The following PTPRD variants were observed in gnomAD, a reference collection of about 807,000 sequenced individuals.
The protein encoded by PTPRD is receptor-type tyrosine-protein phosphatase delta.
PTPRD carries 34 observed loss-of-function variants against 214.5 expected under a neutral mutation model. The observed-to-expected ratio is 0.16, with a 90% confidence interval of 0.12 to 0.21. The LOEUF is 0.21. PTPRD is among the 10% of genes least tolerant of loss of function. The pLI is 1.00. For missense variants in PTPRD, 2,545 were observed against 2,398.7 expected, an observed-to-expected ratio of 1.06 and a Z score of -1.27; for synonymous variants, 1,128 against 845.7, an observed-to-expected ratio of 1.33 and a Z score of -5.79.
intron 5 of PTPRD, among the ~76,000 whole-genome samples, chr9:9,829,976 A>G (rs1190957620): frequency 1.3e-5 from 2 of 151,834 alleles, no homozygotes; most frequent in African/African-American, 4.8e-5. Flanking sequence ...TTTCTTTTGC[A>G]TGCTTATCTG....
At chr9:10,184,803 A>G (rs1354783060) in intron 3 of PTPRD, among the ~76,000 whole-genome samples, 1 of 152,220 alleles carries the variant, frequency 6.6e-6, no homozygotes, top group Non-Finnish European at 1.5e-5. Context: ...TGAGGATCAA[A>G]TAAGAGAAGG....
At chr9:9,406,453 A>G (rs2073404541) in intron 8 of PTPRD, among the ~76,000 whole-genome samples, 1 of 151,914 alleles carries the variant, frequency 6.6e-6, no homozygotes, top group Non-Finnish European at 1.5e-5. Context: ...AAATATTAAG[A>G]AAAGCACCCT....
chr9:8,947,014 A>ATTTTTT (rs143478859), intron 11 of PTPRD, among the ~76,000 whole-genome samples: 23 of 106,902 alleles, frequency 2.2e-4, no homozygotes, highest in African/African-American at 3.0e-4. Flanking sequence ...GTCTCTCTGT[A>ATTTTTT]TTTTTTTTTC....
intron 3 of PTPRD, among the ~76,000 whole-genome samples, chr9:10,120,861 T>C (rs936652647): frequency 1.3e-5 from 2 of 152,052 alleles, no homozygotes; most frequent in African/African-American, 4.8e-5. Flanking sequence ...TAGCATTCCT[T>C]GATGCCCCCT....
At chr9:9,032,473 G>A (rs1215408667) in intron 10 of PTPRD, among the ~76,000 whole-genome samples, 1 of 151,962 alleles carries the variant, frequency 6.6e-6, no homozygotes, top group Admixed American at 6.6e-5. Context: ...GGGCAGTCAT[G>A]GAGCAAAAAT....
At chr9:9,897,320 C>T (rs143865983) in intron 5 of PTPRD, among the ~76,000 whole-genome samples, 1 of 151,918 alleles carries the variant, frequency 6.6e-6, no homozygotes, top group African/African-American at 2.4e-5. Flanking sequence ...ATACTTTAAA[C>T]CAAAGAATAT....
intron 4 of PTPRD, among the ~76,000 whole-genome samples, chr9:9,993,570 C>T (rs574995962): frequency 6.6e-6 from 1 of 152,180 alleles, no homozygotes; most frequent in Middle Eastern, 3.4e-3. Flanking sequence ...TTACTTGATT[C>T]ATTTTATATA....
chr9:9,482,268 C>T (rs10117271), intron 8 of PTPRD, among the ~76,000 whole-genome samples: 77,113 of 151,928 alleles, frequency 0.51, 19,688 homozygotes, highest in East Asian at 0.66. Flanking sequence ...AGTAAGTAAA[C>T]CAGTTCAGTG....
intron 30 of PTPRD, among the ~76,000 whole-genome samples, chr9:8,482,816 T>C (rs1222974023): frequency 6.6e-6 from 1 of 152,148 alleles, no homozygotes. Flanking sequence ...CTGGGTGCCT[T>C]TAGTAATGGG....
intron 10 of PTPRD, among the ~76,000 whole-genome samples, chr9:9,140,515 C>T (rs534806334): frequency 1.3e-5 from 2 of 152,350 alleles, no homozygotes; most frequent in African/African-American, 4.8e-5. Flanking sequence ...AGATGACAAC[C>T]GGGACTCTGG....
chr9:9,049,103 C>T (rs796684358), intron 10 of PTPRD, among the ~76,000 whole-genome samples: 4 of 152,334 alleles, frequency 2.6e-5, no homozygotes, highest in African/African-American at 9.6e-5. Flanking sequence ...TAGTCATTAT[C>T]ACTGTCTTCA....
intron 10 of PTPRD, among the ~76,000 whole-genome samples, chr9:9,146,699 G>C (rs769764939): frequency 1.5e-4 from 23 of 152,112 alleles, no homozygotes; most frequent in Non-Finnish European, 2.2e-4. Context: ...CAGCCTTAGA[G>C]ACTATTTCTG....
intron 5 of PTPRD, among the ~76,000 whole-genome samples, chr9:9,843,709 A>G (rs888576061): frequency 5.9e-5 from 9 of 152,042 alleles, no homozygotes; most frequent in Non-Finnish European, 1.3e-4. Context: ...TATAAATTGT[A>G]TATCTAGAAA....
intron 3 of PTPRD, among the ~76,000 whole-genome samples, chr9:10,055,463 A>T (rs548032803): frequency 6.6e-6 from 1 of 152,204 alleles, no homozygotes; most frequent in Admixed American, 6.6e-5. Flanking sequence ...CAGTATATAG[A>T]TAAGGAAACT....
intron 30 of PTPRD, among the ~76,000 whole-genome samples, chr9:8,481,076 C>A (rs2096872484): frequency 7.3e-6 from 1 of 137,474 alleles, no homozygotes. Flanking sequence ...GAAGGCGGAG[C>A]TTGCAGTGAG....
At chr9:9,787,409 T>C (rs2098932985) in intron 5 of PTPRD, among the ~76,000 whole-genome samples, 1 of 139,306 alleles carries the variant, frequency 7.2e-6, no homozygotes, top group Non-Finnish European at 1.5e-5. Flanking sequence ...GAAGTGTTTA[T>C]GTCAACTATG....
chr9:9,909,548 T>G (rs1467261581), intron 5 of PTPRD, among the ~76,000 whole-genome samples: 2 of 151,952 alleles, frequency 1.3e-5, no homozygotes, highest in Non-Finnish European at 2.9e-5. Flanking sequence ...TTATATGAAT[T>G]TATTATTAGG....
chr9:10,545,052 C>T (rs570403872), intron 2 of PTPRD, among the ~76,000 whole-genome samples: 10 of 152,082 alleles, frequency 6.6e-5, no homozygotes, highest in South Asian at 2.1e-4. Flanking sequence ...GTCAATAAAC[C>T]GAACTGCATT....
chr9:9,241,337 G>T (rs992133968), intron 9 of PTPRD, among the ~76,000 whole-genome samples: 1 of 152,134 alleles, frequency 6.6e-6, no homozygotes, highest in Non-Finnish European at 1.5e-5. Flanking sequence ...AATTATTTGT[G>T]AGTATTCTCA....
Sources: gnomAD v4.1 joint callset for allele counts (sites outside exome capture counted in the v4.1 genomes callset) on GRCh38, gnomAD v4.1.1 for gene constraint, MANE v1.5 for transcripts, NCBI Gene and HGNC (gene_info 2026-07-23, HGNC 2026-07-21) for gene names.